Variants in PDE7B observed in about 807,000 individuals in gnomAD.
PDE7B encodes the protein phosphodiesterase 7B.
A neutral mutation model predicts 56.2 loss-of-function variants in PDE7B; 29 were observed. The ratio of observed to expected loss-of-function variants is 0.52; its 90% CI spans 0.38 to 0.70. The LOEUF is 0.70. Ranked by LOEUF, PDE7B falls within the 30% of genes least tolerant of loss-of-function variation. PDE7B has a pLI of 0.00. For missense variants in PDE7B, 490 were observed against 565.0 expected, an observed-to-expected ratio of 0.87 and a Z score of 1.35; for synonymous variants, 197 against 196.9, an observed-to-expected ratio of 1.00 and a Z score of 0.00.
In PDE7B at chr6:135,997,413, C is replaced by CAAAAA. The variant is rs59388049; in HGVS notation, c.82+49923_82+49927dup. Reference sequence around the variant, plus strand: ...TAGCTGACAGAATGAGACCCTGTCTCAAAAAAAAAAAAAAAAAAAAAAAAA... The same window carrying CAAAAA: ...TAGCTGACAGAATGAGACCCTGTCTCAAAAAAAAAAAAAAAAAAAAAAAAAAAAAA... On this transcript the variant is annotated intron_variant, in intron 2 of 12. Coordinates refer to ENST00000308191, the MANE Select transcript of PDE7B (RefSeq NM_018945.4). Among the ~76,000 whole-genome samples the CAAAAA allele has an allele frequency of 3.7e-4, 4 of 10,712 alleles. 1 individual carries two copies. Among genetic ancestry groups the CAAAAA allele is most frequent in the Admixed American group, 2.0e-3 (1 of 502 alleles). The allele number at this position is 10,712 out of a possible 152,430, so 7.0% of individuals were successfully genotyped here.
chr6:135,854,893 C>T (rs1583705072), intron 1 of PDE7B, among the ~76,000 whole-genome samples: 1 of 152,210 alleles, frequency 6.6e-6, no homozygotes, highest in Non-Finnish European at 1.5e-5. Context: ...AATTTCAGTA[C>T]AGAGAGTGAA....
intron 2 of PDE7B, among the ~76,000 whole-genome samples, chr6:135,975,860 G>T (rs1356299539): frequency 2.0e-5 from 3 of 152,162 alleles, no homozygotes; most frequent in Non-Finnish European, 4.4e-5. Context: ...AATTAACGTG[G>T]ACTAGAACCA....
chr6:135,886,110 A>G (rs769293297), intron 1 of PDE7B, among the ~76,000 whole-genome samples: 14 of 152,198 alleles, frequency 9.2e-5, no homozygotes, highest in Non-Finnish European at 1.8e-4. Context: ...TCAGGACAGT[A>G]AACAGCAGTA....
At chr6:136,113,802 C>A (rs1371369631) in intron 3 of PDE7B, among the ~76,000 whole-genome samples, 1 of 152,188 alleles carries the variant, frequency 6.6e-6, no homozygotes, top group Non-Finnish European at 1.5e-5. Flanking sequence ...CAATTACAAC[C>A]TTCTGCAGAG....
chr6:136,109,370 G>A (rs937548355), intron 3 of PDE7B, among the ~76,000 whole-genome samples: 8 of 152,172 alleles, frequency 5.3e-5, no homozygotes, highest in Non-Finnish European at 8.8e-5. Flanking sequence ...AAACTGTGAT[G>A]CCCTATACAG....
intron 2 of PDE7B, among the ~76,000 whole-genome samples, chr6:136,101,833 T>A (rs1240621550): frequency 2.6e-5 from 4 of 152,180 alleles, no homozygotes; most frequent in Non-Finnish European, 5.9e-5. Context: ...ACAGCACACC[T>A]GTTGTCCTGG....
chr6:135,968,030 T>C (rs906173652), intron 2 of PDE7B, among the ~76,000 whole-genome samples: 1 of 152,192 alleles, frequency 6.6e-6, no homozygotes, highest in East Asian at 1.9e-4. Context: ...TGAAACAGAT[T>C]TAAATTCATA....
chr6:136,174,033 A>G lies in PDE7B; in HGVS notation c.803+145A>G, dbSNP rs1778937179. ...CCTGCACTGAGCTGTCTATCAGAGG[A>G]GATTTGGTGTCAGTTACAGCAACCC... is the stretch of plus-strand genomic sequence containing the variant. On this transcript the variant is annotated intron_variant, in intron 9 of 12. Transcript: ENST00000308191. 3 of 634,830 alleles carry G rather than the reference A, an allele frequency of 4.7e-6. No homozygotes were observed. In the South Asian group the frequency reaches 5.6e-5, roughly 12 times the overall value. The allele number at this position is 634,830 out of a possible 1,614,324, so 39.3% of individuals were successfully genotyped here. A position where few individuals can be genotyped will look rare whatever the true frequency, so the allele number is the denominator to read the frequency against.
rs1235393577 is a variant in PDE7B, at chr6:135,858,153, A to AT, written c.21+6141dup. ...TTTCATTTTATTTAATTTAATTACTATTTTTTTGTTTGTTTTTGAGACAGA... is the reference window on the plus strand; with the variant it reads ...TTTCATTTTATTTAATTTAATTACTATTTTTTTTGTTTGTTTTTGAGACAGA... On this transcript the variant is annotated intron_variant, in intron 1 of 12. Transcript: ENST00000308191. Among the ~76,000 whole-genome samples the AT allele has an allele frequency of 4.6e-5, 7 of 151,750 alleles. No homozygotes were observed. The South Asian group carries it at 8.3e-4, about 18-fold the overall frequency.
intron 2 of PDE7B, among the ~76,000 whole-genome samples, chr6:136,029,581 G>A (rs1276841905): frequency 6.6e-6 from 1 of 152,186 alleles, no homozygotes; most frequent in Non-Finnish European, 1.5e-5. Flanking sequence ...AGAGTAGATA[G>A]ACCCAGAGGT....
intron 2 of PDE7B, among the ~76,000 whole-genome samples, chr6:135,958,424 G>A (rs1774838879): frequency 6.6e-6 from 1 of 151,978 alleles, no homozygotes; most frequent in Non-Finnish European, 1.5e-5. Flanking sequence ...AACAATGTTA[G>A]GCTTTCTATT....
At chr6:135,926,205 G>GCCTC (rs1774185076) in intron 1 of PDE7B, among the ~76,000 whole-genome samples, 1 of 149,450 alleles carries the variant, frequency 6.7e-6, no homozygotes, top group Non-Finnish European at 1.5e-5. Context: ...TCCTGCCTCA[G>GCCTC]CCTCCCGAGC....
intron 2 of PDE7B, among the ~76,000 whole-genome samples, chr6:136,081,211 G>T (rs1386563837): frequency 6.6e-6 from 1 of 152,128 alleles, no homozygotes; most frequent in Non-Finnish European, 1.5e-5. Context: ...ATGATTTTGG[G>T]AGATGGACTG....
At chr6:136,156,463 T>C (rs1347452225) in intron 8 of PDE7B, among the ~76,000 whole-genome samples, 2 of 152,156 alleles carry the variant, frequency 1.3e-5, no homozygotes, top group African/African-American at 4.8e-5. Flanking sequence ...CTAGGATTAC[T>C]GGCATGAGCC....
chr6:136,003,531 T>C (rs1320845649), intron 2 of PDE7B, among the ~76,000 whole-genome samples: 1 of 152,000 alleles, frequency 6.6e-6, no homozygotes, highest in East Asian at 1.9e-4. Flanking sequence ...TCACCACCGA[T>C]CCCACAGAAG....
intron 2 of PDE7B, among the ~76,000 whole-genome samples, chr6:136,011,479 C>G (rs1458041238): frequency 6.6e-6 from 1 of 152,134 alleles, no homozygotes; most frequent in Non-Finnish European, 1.5e-5. Flanking sequence ...TTAAACAGAT[C>G]TCTTATTATG....
At chr6:135,930,969 T>C (rs1774282869) in intron 1 of PDE7B, among the ~76,000 whole-genome samples, 1 of 152,212 alleles carries the variant, frequency 6.6e-6, no homozygotes. Context: ...TGAAGAAGTA[T>C]TCTTGCCAAC....
chr6:136,033,434 G>C (rs1406124457), intron 2 of PDE7B, among the ~76,000 whole-genome samples: 1 of 152,112 alleles, frequency 6.6e-6, no homozygotes, highest in Non-Finnish European at 1.5e-5. Context: ...CAGAATTAGG[G>C]CACAAGAGGC....
chr6:135,980,341 G>C (rs1274094148), intron 2 of PDE7B, among the ~76,000 whole-genome samples: 1 of 152,126 alleles, frequency 6.6e-6, no homozygotes, highest in African/African-American at 2.4e-5. Flanking sequence ...AAAAACCCTA[G>C]AAGAAAACCT....
Sources: allele counts gnomAD v4.1 joint callset (sites outside exome capture counted in the v4.1 genomes callset), GRCh38; gene constraint gnomAD v4.1.1; transcripts MANE v1.5; gene names NCBI Gene and HGNC (gene_info 2026-07-23, HGNC 2026-07-21).